HNF4G: variants seen among roughly 807,000 people sequenced by gnomAD.
HNF4G encodes the protein hepatocyte nuclear factor 4-gamma.
HNF4G carries 21 observed loss-of-function variants against 50.9 expected under a neutral mutation model. The ratio of observed to expected loss-of-function variants is 0.41; its 90% CI spans 0.29 to 0.59. The LOEUF is 0.59. Among genes scored for constraint, HNF4G ranks in the 20% least tolerant of loss-of-function variants. HNF4G has a pLI of 0.26. For synonymous variants in HNF4G, 198 were observed against 185.6 expected, an observed-to-expected ratio of 1.07 and a Z score of -0.54; for missense variants, 527 against 559.4, an observed-to-expected ratio of 0.94 and a Z score of 0.58.
At chr8:75,561,107 G>T (rs1585961324) in intron 9 of HNF4G, among the ~76,000 whole-genome samples, 1 of 152,152 alleles carries the variant, frequency 6.6e-6, no homozygotes, top group Non-Finnish European at 1.5e-5. Context: ...GGGAAGTTTG[G>T]ATCAGCTTTC....
In HNF4G at chr8:75,559,036, T is replaced by C. The variant is rs1415226751; in HGVS notation, c.1122T>C (p.Gly374=). Residue 374 remains glycine, a splice_region_variant and synonymous_variant, in exon 8 of 10, where the codon GGT becomes GGC. Coordinates refer to ENST00000396423, the MANE Select transcript of HNF4G (RefSeq NM_004133.5). ...ATCTACTTCAGGAAATGCTATTAGG[T>C]GGTGAGTACATTGAATAATTTCTAC... is the stretch of plus-strand genomic sequence containing the variant. ...IDNLLQEMLL[G]GASNDGSHLH... 2 of 1,473,192 alleles carry C rather than the reference T, an allele frequency of 1.4e-6. No individual in the cohort carries two copies. Among genetic ancestry groups the C allele is most frequent in the Non-Finnish European group, 1.9e-6 (2 of 1,051,612 alleles). The allele number at this position is 1,473,192 out of a possible 1,614,324, so 91.3% of individuals were successfully genotyped here.
chr8:75,518,481 G>A (rs1213448866), intron 2 of HNF4G, among the ~76,000 whole-genome samples: 2 of 152,204 alleles, frequency 1.3e-5, no homozygotes, highest in African/African-American at 4.8e-5. Context: ...CCATTACTGG[G>A]TATATACCCA....
intron 1 of HNF4G, among the ~76,000 whole-genome samples, chr8:75,437,233 T>C (rs1811161044): frequency 6.6e-6 from 1 of 152,204 alleles, no homozygotes; most frequent in African/African-American, 2.4e-5. Flanking sequence ...GCATAGACAT[T>C]TCATAGAAAT....
intron 2 of HNF4G, among the ~76,000 whole-genome samples, chr8:75,516,561 T>C (rs1043993780): frequency 6.6e-6 from 1 of 152,224 alleles, no homozygotes; most frequent in Non-Finnish European, 1.5e-5. Flanking sequence ...TGAAATCTTC[T>C]ATAAATGTCA....
At chr8:75,506,677 A>G (rs1027556841) in intron 2 of HNF4G, among the ~76,000 whole-genome samples, 2 of 152,130 alleles carry the variant, frequency 1.3e-5, no homozygotes, top group Non-Finnish European at 2.9e-5. Flanking sequence ...GTTCTTAAAT[A>G]TTTTCTGAAT....
At chr8:75,513,559 T>C (rs1349047915) in intron 2 of HNF4G, among the ~76,000 whole-genome samples, 1 of 152,184 alleles carries the variant, frequency 6.6e-6, no homozygotes, top group East Asian at 1.9e-4. Context: ...TCTTTGCAAA[T>C]AATAAATTTG....
intron 2 of HNF4G, among the ~76,000 whole-genome samples, chr8:75,514,170 T>G (rs550407852): frequency 2.6e-4 from 39 of 152,088 alleles, no homozygotes; most frequent in Middle Eastern, 6.8e-3. Context: ...TTACTTTCCA[T>G]TGTAGTATTT....
chr8:75,545,550 G>A (rs927060779), intron 2 of HNF4G, among the ~76,000 whole-genome samples: 1 of 152,108 alleles, frequency 6.6e-6, no homozygotes, highest in African/African-American at 2.4e-5. Flanking sequence ...ATTGATGGAA[G>A]TTTAAGGGCA....
chr8:75,424,586 AT>A (rs1810849021), intron 1 of HNF4G, among the ~76,000 whole-genome samples: 1 of 152,088 alleles, frequency 6.6e-6, no homozygotes, highest in Non-Finnish European at 1.5e-5. Flanking sequence ...TCCTAACTGT[AT>A]GTCCATGTCT....
chr8:75,544,315 GTTATC>G (rs1285288770), intron 2 of HNF4G, among the ~76,000 whole-genome samples: 5 of 152,050 alleles, frequency 3.3e-5, no homozygotes. Context: ...GCCATTTCAT[GTTATC>G]TTTTCCTTGT....
intron 1 of HNF4G, among the ~76,000 whole-genome samples, chr8:75,459,213 G>C (rs1464297963): frequency 1.3e-5 from 2 of 152,106 alleles, no homozygotes; most frequent in Non-Finnish European, 2.9e-5. Context: ...AAATTTAATA[G>C]AATGTTAGCT....
chr8:75,483,078 T>TC (rs757852903), intron 1 of HNF4G, among the ~76,000 whole-genome samples: 23 of 152,274 alleles, frequency 1.5e-4, no homozygotes, highest in Non-Finnish European at 3.2e-4. Context: ...TGCGCAGGTA[T>TC]CATAAAACAA....
intron 1 of HNF4G, among the ~76,000 whole-genome samples, chr8:75,459,646 C>G (rs1283747548): frequency 6.6e-6 from 1 of 152,080 alleles, no homozygotes; most frequent in African/African-American, 2.4e-5. Context: ...ATGTGAAACC[C>G]AGGAGCTAAT....
At chr8:75,543,162 G>A (rs560685442) in intron 1 of HNF4G, among the ~76,000 whole-genome samples, 3 of 152,178 alleles carry the variant, frequency 2.0e-5, no homozygotes, top group African/African-American at 7.2e-5. Context: ...AGCCGAGATC[G>A]CACCACTACT....
At chr8:75,486,550 A>G (rs982352614) in intron 1 of HNF4G, among the ~76,000 whole-genome samples, 1 of 152,234 alleles carries the variant, frequency 6.6e-6, no homozygotes, top group Non-Finnish European at 1.5e-5. Flanking sequence ...TAGTTAAATT[A>G]GTAATAATTA....
intron 2 of HNF4G, among the ~76,000 whole-genome samples, chr8:75,510,894 G>A (rs74366742): frequency 1.2e-3 from 185 of 152,020 alleles, no homozygotes; most frequent in African/African-American, 4.1e-3. Context: ...ATTTAACACG[G>A]TATTTCTTCA....
intron 1 of HNF4G, among the ~76,000 whole-genome samples, chr8:75,409,991 T>C (rs1810461936): frequency 6.6e-6 from 1 of 152,210 alleles, no homozygotes. Context: ...TTTTAAAATT[T>C]GAATGGTTCA....
intron 1 of HNF4G, among the ~76,000 whole-genome samples, chr8:75,418,042 C>T (rs1360144035): frequency 6.6e-6 from 1 of 152,016 alleles, no homozygotes; most frequent in African/African-American, 2.4e-5. Flanking sequence ...TAATGGGCCA[C>T]GTACTGGGTG....
intron 1 of HNF4G, among the ~76,000 whole-genome samples, chr8:75,486,364 C>A (rs1812497749): frequency 6.6e-6 from 1 of 152,142 alleles, no homozygotes; most frequent in Admixed American, 6.5e-5. Context: ...TTAGCAGTAC[C>A]TTTTGTTATA....
Sources: gnomAD v4.1 joint callset for allele counts (sites outside exome capture counted in the v4.1 genomes callset) on GRCh38, gnomAD v4.1.1 for gene constraint, MANE v1.5 for transcripts, NCBI Gene and HGNC (gene_info 2026-07-23, HGNC 2026-07-21) for gene names.